The following PBRM1 variants were observed in gnomAD, a reference collection of about 807,000 sequenced individuals.
PBRM1 encodes protein polybromo-1.
In PBRM1, 27 loss-of-function variants were observed where a neutral mutation model predicts 194.5. The observed-to-expected ratio is 0.14, with a 90% CI of 0.10 to 0.19. The LOEUF is 0.19. Among genes scored for constraint, PBRM1 ranks in the 10% least tolerant of loss-of-function variants. The probability of loss-of-function intolerance (pLI) is 1.00; values close to 1 mark genes in which losing one functional copy is unlikely to be tolerated. For synonymous variants in PBRM1, 655 were observed against 693.2 expected (o/e 0.94, Z 0.87); for missense variants, 1,466 against 2,077.2 (o/e 0.71, Z 5.72).
chr3:52,598,851 G>C (rs1208050084), intron 17 of PBRM1, among the ~76,000 whole-genome samples: 2 of 151,890 alleles, frequency 1.3e-5, no homozygotes, highest in Admixed American at 6.6e-5. Flanking sequence ...GTGAAGCCCC[G>C]TCTCTACTAA....
chr3:52,596,336 G>T (rs2093541321), intron 17 of PBRM1, among the ~76,000 whole-genome samples: 1 of 150,672 alleles, frequency 6.6e-6, no homozygotes, highest in Non-Finnish European at 1.5e-5. Context: ...TACTCGGGGG[G>T]CTGAGGCAGG....
At chr3:52,674,780 C>T (rs866836802) in intron 2 of PBRM1, among the ~76,000 whole-genome samples, 4 of 149,522 alleles carry the variant, frequency 2.7e-5, no homozygotes, top group East Asian at 2.0e-4. Flanking sequence ...ATAAAAAATA[C>T]GTTATATATA....
upstream of PBRM1, among the ~76,000 whole-genome samples, chr3:52,683,211 A>T (rs1414874666): frequency 8.2e-5 from 5 of 60,740 alleles, no homozygotes; most frequent in Admixed American, 4.4e-4. Context: ...TCAAAAAAAT[A>T]ATAAAAAAAA....
chr3:52,604,579 G>A (rs1241466348), intron 16 of PBRM1, among the ~76,000 whole-genome samples: 2 of 152,030 alleles, frequency 1.3e-5, no homozygotes, highest in Admixed American at 1.3e-4. Context: ...TGCAGTCCTA[G>A]CTATCCGGGA....
intron 17 of PBRM1, among the ~76,000 whole-genome samples, chr3:52,591,817 C>CTTTTTT (rs34822595): frequency 2.1e-5 from 2 of 94,958 alleles, no homozygotes; most frequent in African/African-American, 4.4e-5. Context: ...TGCGCCCGGC[C>CTTTTTT]TTTTTTTTTT....
At position 52,576,497 on chromosome 3, in the gene PBRM1, T is replaced by C. The variant is rs2028220; in HGVS notation, c.3691+44A>G. 0.038 allele frequency: 56,726 copies of C among 1,498,652 alleles called. 5,055 individuals are homozygous for C. The highest frequency in any genetic ancestry group is 0.35 in the African/African-American group (25,102 of 70,990). 92.8% of individuals were successfully genotyped at this position (1,498,652 alleles called of 1,614,324 possible). A position where few individuals can be genotyped will look rare whatever the true frequency, so the allele number is the denominator to read the frequency against. ...CCACAGAAGTAGTATTCCATCAATT[T>C]TGATGGAATAAACACGATTAAATAA... On this transcript the variant is annotated intron_variant, in intron 22 of 29. Coordinates refer to ENST00000296302, the Ensembl canonical transcript of PBRM1.
upstream of PBRM1, chr3:52,681,824 A>G (rs2097209257): frequency 2.0e-6 from 1 of 501,780 alleles, no homozygotes; most frequent in African/African-American, 2.1e-5. Context: ...TTCAAAACTG[A>G]AAAAGAAGAA....
chr3:52,637,015 T>G (rs984751841), intron 10 of PBRM1, among the ~76,000 whole-genome samples: 1 of 152,040 alleles, frequency 6.6e-6, no homozygotes, highest in Non-Finnish European at 1.5e-5. Flanking sequence ...AGCCACCACA[T>G]AAAGCAGTTG....
At chr3:52,556,933 T>G (rs1029548604) in intron 26 of PBRM1, among the ~76,000 whole-genome samples, 2 of 152,100 alleles carry the variant, frequency 1.3e-5, no homozygotes, top group East Asian at 1.9e-4. Flanking sequence ...CTGCTGTTTT[T>G]TTTTTTTTTT....
chr3:52,681,724 G>C (rs1051049516), upstream of PBRM1: 21 of 1,016,322 alleles, frequency 2.1e-5, no homozygotes, highest in Non-Finnish European at 2.2e-5. Flanking sequence ...CCAGCGCCTC[G>C]AAAAGCCAGT....
At chr3:52,597,693 T>C (rs2093677151) in intron 17 of PBRM1, among the ~76,000 whole-genome samples, 1 of 150,570 alleles carries the variant, frequency 6.6e-6, no homozygotes, top group East Asian at 2.0e-4. Context: ...TAGCCTCGTG[T>C]GGTGGCACAT....
intron 11 of PBRM1, among the ~76,000 whole-genome samples, chr3:52,632,404 C>T (rs1419860962): frequency 6.6e-6 from 1 of 152,032 alleles, no homozygotes; most frequent in Non-Finnish European, 1.5e-5. Context: ...ACAAGCAAGA[C>T]TTGGTCTCTA....
At chr3:52,602,080 C>T (rs1423770808) in intron 17 of PBRM1, among the ~76,000 whole-genome samples, 1 of 152,136 alleles carries the variant, frequency 6.6e-6, no homozygotes, top group African/African-American at 2.4e-5. Flanking sequence ...ATTACATGTA[C>T]GTGATCAATC....
At chr3:52,587,299 A>T in intron 19 of PBRM1, 54 bp downstream of exon 21, 4 of 1,307,132 alleles carry the variant, frequency 3.1e-6, no homozygotes, top group Non-Finnish European at 4.3e-6. Flanking sequence ...TCTGTGTTTT[A>T]AAATTTTATT....
At chr3:52,584,562 A>AC (rs911661024) in intron 20 of PBRM1, among the ~76,000 whole-genome samples, 1 of 140,378 alleles carries the variant, frequency 7.1e-6, no homozygotes, top group Admixed American at 8.1e-5. Flanking sequence ...CTCATGGGAT[A>AC]CCCCCATCTC....
At chr3:52,670,255 C>T (rs2096920021) in intron 2 of PBRM1, among the ~76,000 whole-genome samples, 1 of 152,192 alleles carries the variant, frequency 6.6e-6, no homozygotes, top group Non-Finnish European at 1.5e-5. Flanking sequence ...ATCAGGATCC[C>T]AACCTCTCAC....
intron 26 of PBRM1, among the ~76,000 whole-genome samples, chr3:52,557,937 G>A (rs539237872): frequency 2.6e-5 from 4 of 152,296 alleles, no homozygotes; most frequent in Admixed American, 6.5e-5. Flanking sequence ...AGAATTCAGG[G>A]TCTACTTTCA....
chr3:52,600,824 A>T (rs2093938888), intron 17 of PBRM1, among the ~76,000 whole-genome samples: 1 of 152,128 alleles, frequency 6.6e-6, no homozygotes. Context: ...TTTTTAGTAG[A>T]GACAGGGTTT....
chr3:52,634,807 A>G (rs778591127), exon 11 of PBRM1: 1 of 1,613,022 alleles, frequency 6.2e-7, no homozygotes, highest in Non-Finnish European at 8.5e-7. Flanking sequence ...CCCTCTTCAT[A>G]GCGTGCAGCT....
Sources: gnomAD v4.1 joint callset for allele counts (sites outside exome capture counted in the v4.1 genomes callset) on GRCh38, gnomAD v4.1.1 for gene constraint, MANE v1.5 for transcripts, NCBI Gene and HGNC (gene_info 2026-07-23, HGNC 2026-07-21) for gene names.